Variants in USP9X observed in about 807,000 individuals in gnomAD.
USP9X encodes ubiquitin specific peptidase 9 X-linked, also known as ubiquitin carboxyl-terminal hydrolase 9X.
In USP9X, 7 loss-of-function variants were observed where a neutral mutation model predicts 190.3. That is an observed-to-expected ratio of 0.04 (90% confidence interval 0.02 to 0.07). The LOEUF is 0.07. USP9X is among the 10% of genes least tolerant of loss of function. USP9X has a pLI of 1.00. For missense variants in USP9X, 1,010 were observed against 1,916.9 expected, an observed-to-expected ratio of 0.53 and a Z score of 8.83; for synonymous variants, 645 against 659.5, an observed-to-expected ratio of 0.98 and a Z score of 0.34.
chrX:41,086,102 G>T lies in USP9X; in HGVS notation c.-166G>T. 3.4e-6 allele frequency: 1 copy of T among 297,300 alleles called. No homozygotes were observed. The highest frequency in any genetic ancestry group is 5.9e-6 in the Non-Finnish European group (1 of 170,420). The allele number at this position is 297,300 out of a possible 1,213,427, so 24.5% of individuals were successfully genotyped here. ...GCCCTGGTTGTGAGAAGACGTCTGT[G>T]TCGTGCGGTGAGTGGCCAGCTGCAC... On this transcript the variant is annotated 5_prime_UTR_variant, in exon 1 of 45. Transcript: ENST00000378308.
intron 21 of USP9X, among the ~76,000 whole-genome samples, chrX:41,176,772 C>A (rs768186920): frequency 8.9e-6 from 1 of 112,257 alleles, no homozygotes; most frequent in South Asian, 3.7e-4. Context: ...TGAACAAACT[C>A]ACCTTCTGCA....
At chrX:41,156,414 G>C (rs925055111) in intron 14 of USP9X, among the ~76,000 whole-genome samples, 1 of 111,860 alleles carries the variant, frequency 8.9e-6, no homozygotes, top group East Asian at 2.8e-4. Context: ...CTTTTCAGTC[G>C]TATGTGGCAG....
intron 32 of USP9X, among the ~76,000 whole-genome samples, chrX:41,207,224 G>A (rs1249621212): frequency 9.3e-6 from 1 of 107,103 alleles, no homozygotes; most frequent in Non-Finnish European, 1.9e-5. Flanking sequence ...AAGTAGCTAG[G>A]ACGACAGGCC....
intron 39 of USP9X, among the ~76,000 whole-genome samples, chrX:41,223,916 T>A (rs777016687): frequency 8.9e-6 from 1 of 112,128 alleles, no homozygotes; most frequent in East Asian, 2.8e-4. Flanking sequence ...AGAATTAACT[T>A]TTTAGGCTGG....
Position 41,126,642 on chromosome X carries a change from CTT to C in USP9X, c.97-2356_97-2355del, listed in dbSNP as rs774598561. The stretch of plus-strand genomic sequence containing the variant: ...CATTGTGTTCTTTTTCTTCTAAAAA[CTT>C]TACATTTTTAAAGATGACTGGTAAT... On this transcript the variant is annotated intron_variant, in intron 2 of 44. Transcript: ENST00000378308. 3.3e-3 allele frequency among the ~76,000 whole-genome samples: 370 copies of C among 111,740 alleles called. 1 individual carries two copies. Among genetic ancestry groups the C allele is most frequent in the Middle Eastern group, 9.3e-3 (2 of 215 alleles).
At chrX:41,099,093 A>ATTTTTTTTTTTT (rs1569147006) in intron 1 of USP9X, among the ~76,000 whole-genome samples, 5 of 47,356 alleles carry the variant, frequency 1.1e-4, no homozygotes, top group Non-Finnish European at 1.4e-4. Context: ...TGCCCAGATA[A>ATTTTTTTTTTTT]TTGTTTTTTT....
At chrX:41,195,038 TTTTC>T (rs1391462023) in intron 26 of USP9X, among the ~76,000 whole-genome samples, 1 of 105,263 alleles carries the variant, frequency 9.5e-6, no homozygotes, top group Non-Finnish European at 1.9e-5. Context: ...AATCTTTCTT[TTTTC>T]TTTCTTTTTT....
chrX:41,174,359 C>G (rs772638114), intron 21 of USP9X, among the ~76,000 whole-genome samples: 5 of 111,456 alleles, frequency 4.5e-5, no homozygotes, highest in Non-Finnish European at 9.4e-5. Context: ...GCACCCCCAC[C>G]CCCCATGGAT....
chrX:41,219,313 A>T, intron 38 of USP9X, 82 bp downstream of exon 38: 1 of 981,001 alleles, frequency 1.0e-6, no homozygotes, highest in African/African-American at 1.9e-5. Flanking sequence ...GATGAAATAT[A>T]ATCTGATCTG....
At chrX:41,183,158 C>T (rs112311879) in intron 21 of USP9X, among the ~76,000 whole-genome samples, 14,462 of 109,224 alleles carry the variant, frequency 0.13, 882 homozygotes, top group East Asian at 0.21. Flanking sequence ...AGGCTGGTCT[C>T]GAACACCTGA....
At chrX:41,223,634 G>A (rs28377147) in intron 39 of USP9X, among the ~76,000 whole-genome samples, 7 of 110,893 alleles carry the variant, frequency 6.3e-5, no homozygotes, top group Admixed American at 2.9e-4. Flanking sequence ...ACGGGGTTTC[G>A]CCATGTTGGT....
rs978069261 is a variant in USP9X at position 41,184,774 on chromosome X, A to G, written c.3558+99A>G. On this transcript the variant is annotated intron_variant, in intron 23 of 44. Coordinates refer to ENST00000378308, the MANE Select transcript of USP9X (RefSeq NM_001039591.3). ...AAGTGTAGAGTTCAAGGTTGACTCA[A>G]TGTTCAAAGTGCCTTATTTCAGAGG... 106 of 728,216 alleles carry G rather than the reference A, an allele frequency of 1.5e-4. No homozygotes were observed. The East Asian group carries it at 2.8e-3, about 19-fold the overall frequency. The allele number at this position is 728,216 out of a possible 1,213,427, so 60.0% of individuals were successfully genotyped here.
intron 1 of USP9X, among the ~76,000 whole-genome samples, chrX:41,117,880 C>T (rs2062162519): frequency 1.8e-5 from 2 of 109,010 alleles, no homozygotes; most frequent in South Asian, 3.9e-4. Flanking sequence ...TTTTTTGAGA[C>T]GGAGTCTCAC....
Position 41,217,432 on chromosome X carries a change from A to AT in USP9X, c.6209+93dup, listed in dbSNP as rs761872436. 157 of 1,017,449 alleles carry AT rather than the reference A, an allele frequency of 1.5e-4. 2 individuals are homozygous for AT. The Admixed American group carries it at 5.2e-3, about 33-fold the overall frequency. 83.8% of individuals were successfully genotyped at this position (1,017,449 alleles called of 1,213,427 possible). ...CTTTATGTTTTTCTAAACCAAGAGA[A>AT]TTTTGTTTGAAGTTTGGAATATAGA... On this transcript the variant is annotated intron_variant, in intron 36 of 44. Transcript: ENST00000378308.
At chrX:41,103,041 G>C in intron 1 of USP9X, among the ~76,000 whole-genome samples, 1 of 112,310 alleles carries the variant, frequency 8.9e-6, no homozygotes, top group Non-Finnish European at 1.9e-5. Flanking sequence ...TGATCCGCCT[G>C]CCTTGGCCTC....
chrX:41,230,731 C>A, intron 44 of USP9X, 135 bp downstream of exon 44: 1 of 520,407 alleles, frequency 1.9e-6, no homozygotes, highest in South Asian at 3.8e-5. Context: ...GAGCATGATC[C>A]AGAAGAGGGA....
chrX:41,138,793 C>T (rs1337799311), intron 6 of USP9X, among the ~76,000 whole-genome samples: 1 of 113,135 alleles, frequency 8.8e-6, no homozygotes, highest in Non-Finnish European at 1.9e-5. Context: ...GTGAAATTCA[C>T]CATGCTATCT....
intron 1 of USP9X, among the ~76,000 whole-genome samples, chrX:41,097,930 A>G (rs1167967391): frequency 8.9e-6 from 1 of 111,853 alleles, no homozygotes; most frequent in African/African-American, 3.2e-5. Context: ...TTATCTTTTG[A>G]GTGGCTTATC....
chrX:41,214,713 C>CG lies in USP9X; in HGVS notation c.5331+7dup. 8.4e-7 allele frequency: 1 copy of CG among 1,186,835 alleles called. No individual in the cohort carries two copies. Among genetic ancestry groups the CG allele is most frequent in the Non-Finnish European group, 1.1e-6 (1 of 887,392 alleles). On this transcript the variant is annotated splice_donor_region_variant and intron_variant, in intron 34 of 44. Coordinates refer to ENST00000378308, the MANE Select transcript of USP9X (RefSeq NM_001039591.3). ...TTGTGAAAAATGCAATAAAAAGGTA[C>CG]GGGCTGTCCAGTTTTGTTTAATTTT...
Sources: gnomAD v4.1 joint callset for allele counts (sites outside exome capture counted in the v4.1 genomes callset) on GRCh38, gnomAD v4.1.1 for gene constraint, MANE v1.5 for transcripts, NCBI Gene and HGNC (gene_info 2026-07-23, HGNC 2026-07-21) for gene names.